The following MBNL1 variants were observed in gnomAD, a reference collection of about 807,000 sequenced individuals.
MBNL1 encodes the protein muscleblind-like protein 1.
MBNL1 carries 8 observed loss-of-function variants against 42.2 expected under a neutral mutation model. The observed-to-expected ratio is 0.19, with a 90% CI of 0.11 to 0.34. MBNL1 has a LOEUF of 0.34. MBNL1 is among the 10% of genes least tolerant of loss of function. The pLI is 1.00. For synonymous variants in MBNL1, 169 were observed against 173.9 expected, an observed-to-expected ratio of 0.97 and a Z score of 0.22; for missense variants, 309 against 495.3, an observed-to-expected ratio of 0.62 and a Z score of 3.57.
chr3:152,394,257 A>G (rs927895958), intron 2 of MBNL1, among the ~76,000 whole-genome samples: 2 of 152,246 alleles, frequency 1.3e-5, no homozygotes, highest in East Asian at 3.8e-4. Context: ...CTAAATGTGT[A>G]CTGTGATTAA....
chr3:152,348,133 G>C lies in MBNL1; in HGVS notation c.174+47766G>C, dbSNP rs369948835. Among the ~76,000 whole-genome samples the C allele has an allele frequency of 6.1e-4, 93 of 152,178 alleles. No homozygotes were observed. In the South Asian group the frequency reaches 0.019, roughly 31 times the overall value. On this transcript the variant is annotated intron_variant, in intron 2 of 9. Coordinates refer to ENST00000324210, the MANE Select transcript of MBNL1 (RefSeq NM_021038.5). ...ATAGTTCTATTGCTTGAAAGAGTTA[G>C]ATACCTTCCAAAAGAGAAAAGGAAT...
chr3:152,445,721 A>G (rs531437761), intron 5 of MBNL1, among the ~76,000 whole-genome samples, 182 bp downstream of exon 5: 8 of 152,226 alleles, frequency 5.3e-5, no homozygotes, highest in Admixed American at 3.9e-4. Flanking sequence ...TAACTCCTCA[A>G]ATGGTTCAGA....
chr3:152,320,683 C>CTTTTTTTTTTTTTTTT (rs528500683), intron 2 of MBNL1, among the ~76,000 whole-genome samples: 2 of 129,074 alleles, frequency 1.5e-5, no homozygotes, highest in Non-Finnish European at 1.7e-5. Flanking sequence ...TTTTTTCTTT[C>CTTTTTTTTTTTTTTTT]TTTTTTTTTT....
chr3:152,384,931 C>T (rs993101869), intron 2 of MBNL1, among the ~76,000 whole-genome samples: 3 of 151,928 alleles, frequency 2.0e-5, no homozygotes, highest in Non-Finnish European at 2.9e-5. Context: ...GAAATGTTCC[C>T]GTAAAGCTTA....
intron 2 of MBNL1, among the ~76,000 whole-genome samples, chr3:152,374,369 G>A (rs2096806759): frequency 6.6e-6 from 1 of 152,092 alleles, no homozygotes; most frequent in African/African-American, 2.4e-5. Flanking sequence ...CTGCTCTGAG[G>A]GCATCTTCAG....
intron 2 of MBNL1, among the ~76,000 whole-genome samples, chr3:152,252,161 TTCCTTCCTTCCTTCCTTCCC>T (rs1248279894): frequency 3.8e-4 from 55 of 146,262 alleles, no homozygotes; most frequent in African/African-American, 1.3e-3. Context: ...CCTTCCTTCC[TTCCTTCCTTCCTTCCTTCCC>T]TCCTTCCTTC....
At chr3:152,273,487 G>A (rs1011628578) in intron 1 of MBNL1, among the ~76,000 whole-genome samples, 1 of 152,030 alleles carries the variant, frequency 6.6e-6, no homozygotes, top group Non-Finnish European at 1.5e-5. Flanking sequence ...CATCATATGT[G>A]CCTGTGAAAT....
chr3:152,452,310 A>G (rs1724944027), intron 6 of MBNL1, among the ~76,000 whole-genome samples: 1 of 152,138 alleles, frequency 6.6e-6, no homozygotes, highest in Non-Finnish European at 1.5e-5. Context: ...TTTCGTTGAA[A>G]TTAAGTCTAG....
chr3:152,360,806 T>C (rs868407108), intron 2 of MBNL1, among the ~76,000 whole-genome samples: 15 of 152,218 alleles, frequency 9.9e-5, no homozygotes, highest in Admixed American at 4.6e-4. Context: ...CTCCGTCATA[T>C]ACATTTTTCT....
chr3:152,329,263 A>C (rs1012421046), intron 2 of MBNL1, among the ~76,000 whole-genome samples: 2 of 152,134 alleles, frequency 1.3e-5, no homozygotes, highest in Non-Finnish European at 2.9e-5. Flanking sequence ...AAAATGGAGA[A>C]AAATTTTTGT....
At chr3:152,455,371 A>G (rs890703809) in intron 6 of MBNL1, among the ~76,000 whole-genome samples, 171 bp from the exon 7 acceptor site, 1 of 152,216 alleles carries the variant, frequency 6.6e-6, no homozygotes, top group Non-Finnish European at 1.5e-5. Context: ...GTTCTAATTG[A>G]TCACTGTGCT....
At chr3:152,339,436 T>TA (rs2092480816) in intron 2 of MBNL1, among the ~76,000 whole-genome samples, 1 of 152,082 alleles carries the variant, frequency 6.6e-6, no homozygotes, top group East Asian at 1.9e-4. Flanking sequence ...TCTTCAGTGT[T>TA]ATGAGTTTGT....
chr3:152,405,797 G>A (rs1211159165), intron 2 of MBNL1, among the ~76,000 whole-genome samples: 4 of 151,854 alleles, frequency 2.6e-5, no homozygotes, highest in Admixed American at 6.6e-5. Flanking sequence ...CCACTGAAAG[G>A]CATGCTCTAC....
intron 2 of MBNL1, among the ~76,000 whole-genome samples, chr3:152,395,856 T>C (rs1232153977): frequency 1.3e-5 from 2 of 152,244 alleles, no homozygotes; most frequent in Non-Finnish European, 2.9e-5. Context: ...CCATTTTACC[T>C]ATCAGGCCCT....
At chr3:152,429,907 A>G (rs2098984512) in intron 3 of MBNL1, among the ~76,000 whole-genome samples, 1 of 152,092 alleles carries the variant, frequency 6.6e-6, no homozygotes, top group African/African-American at 2.4e-5. Flanking sequence ...CTACTTATCG[A>G]AAGAGGGAAC....
chr3:152,276,807 G>C (rs1253846201), intron 1 of MBNL1, among the ~76,000 whole-genome samples: 2 of 152,258 alleles, frequency 1.3e-5, no homozygotes, highest in East Asian at 3.9e-4. Context: ...TACAGGAGTT[G>C]TGTTTTGGTG....
chr3:152,297,250 C>CTTTGTTTT lies in MBNL1; in HGVS notation c.-789-2151_-789-2144dup, dbSNP rs1335934043. Among the ~76,000 whole-genome samples, 405 of 109,832 alleles carry CTTTGTTTT rather than the reference C, an allele frequency of 3.7e-3. 2 individuals carry two copies. The highest frequency in any genetic ancestry group is 6.2e-3 in the Non-Finnish European group (331 of 53,200). The allele number at this position is 109,832 out of a possible 152,430, so 72.1% of individuals were successfully genotyped here. On this transcript the variant is annotated intron_variant, in intron 1 of 9. Coordinates refer to ENST00000324210, the MANE Select transcript of MBNL1 (RefSeq NM_021038.5). ...CACAGCTTACAGTTTATGACTGGAC[C>CTTTGTTTT]TTTGTTTTTTTTTTTTTTTTTTTTA... is the stretch of plus-strand genomic sequence containing the variant.
chr3:152,329,077 G>GA (rs1173835497), intron 2 of MBNL1, among the ~76,000 whole-genome samples: 1 of 152,032 alleles, frequency 6.6e-6, no homozygotes, highest in Non-Finnish European at 1.5e-5. Flanking sequence ...CTTCTGGAAG[G>GA]AAAAAAGTAG....
chr3:152,340,300 A>G (rs1253582478), intron 2 of MBNL1: 1 of 517,150 alleles, frequency 1.9e-6, no homozygotes, highest in Non-Finnish European at 3.3e-6. Context: ...ATAGAGTGAG[A>G]CCTTGTCTCA....
Sources: allele counts gnomAD v4.1 joint callset (sites outside exome capture counted in the v4.1 genomes callset), GRCh38; gene constraint gnomAD v4.1.1; transcripts MANE v1.5; gene names NCBI Gene and HGNC (gene_info 2026-07-23, HGNC 2026-07-21).